The following RNF4 variants were observed in gnomAD, a reference collection of about 807,000 sequenced individuals.
The protein encoded by RNF4 is E3 ubiquitin-protein ligase RNF4.
Under a neutral mutation model 24.3 loss-of-function variants are expected in RNF4, and 7 were observed. That is an observed-to-expected ratio of 0.29 (90% CI 0.16 to 0.54). RNF4 has a LOEUF of 0.54. Among genes scored for constraint, RNF4 ranks in the 20% least tolerant of loss-of-function variants. The pLI is 0.95. For missense variants in RNF4, 209 were observed against 248.5 expected (o/e 0.84, Z 1.07); for synonymous variants, 83 against 84.3 (o/e 0.98, Z 0.09).
chr4:2,476,784 C>T (rs1399975738), intron 1 of RNF4, among the ~76,000 whole-genome samples: 1 of 149,902 alleles, frequency 6.7e-6, no homozygotes, highest in Non-Finnish European at 1.5e-5. Context: ...TTTGCAGGTG[C>T]AATTATATAG....
intron 4 of RNF4, 35 bp from the exon 5 acceptor site, chr4:2,511,921 T>G (rs769074192): frequency 5.0e-6 from 8 of 1,588,860 alleles, no homozygotes; most frequent in Non-Finnish European, 6.9e-6. Context: ...ACTGATTGCT[T>G]CTTTCTCTTT....
At chr4:2,492,967 G>A (rs1735625057) in intron 2 of RNF4, among the ~76,000 whole-genome samples, 1 of 152,234 alleles carries the variant, frequency 6.6e-6, no homozygotes, top group South Asian at 2.1e-4. Context: ...AGCTTATGTG[G>A]TTGTGATAGG....
intron 1 of RNF4, among the ~76,000 whole-genome samples, chr4:2,472,989 A>G (rs1099778): frequency 0.85 from 128,801 of 151,734 alleles, 54,737 homozygotes; most frequent in South Asian, 0.89. Context: ...GCAGTGAGCC[A>G]AGATAGCACC....
At chr4:2,499,732 C>T (rs1560409826) in intron 3 of RNF4, among the ~76,000 whole-genome samples, 2 of 152,172 alleles carry the variant, frequency 1.3e-5, no homozygotes, top group East Asian at 1.9e-4. Flanking sequence ...ACAGTATACC[C>T]TAAGGGCTGA....
In RNF4 at chr4:2,512,481, C is replaced by G. The variant is rs376560868; in HGVS notation, c.258C>G (p.Asp86Glu). The part of the protein sequence containing the change: ...PRRNARRLPQ[D>E]HADSCVVSSD... The stretch of plus-strand genomic sequence containing the variant: ...GGAATGCTAGGAGGCTGCCCCAGGA[C>G]CATGCTGACAGCTGTGTGGTGAGCA... Residue 86 changes from aspartate (D) to glutamate (E), a missense_variant, in exon 6 of 8, where the codon GAC (aspartate) becomes GAG (glutamate). Physicochemically the swap from Asp to Glu is conservative, Grantham distance 45 (BLOSUM62 2). Around this residue, in one of 3 missense-constraint regions of RNF4, gnomAD observed 182 missense variants for 197.2 expected, o/e 0.92. Coordinates refer to ENST00000314289, the MANE Select transcript of RNF4 (RefSeq NM_002938.5). This position sits in a 1 kb window ranked among gnomAD's most constrained non-coding sequence, Gnocchi z 4.1. The G allele has an allele frequency of 6.2e-7, 1 of 1,613,624 alleles. No individual in the cohort carries two copies. Among genetic ancestry groups the G allele is most frequent in the Non-Finnish European group, 8.5e-7 (1 of 1,179,738 alleles).
chr4:2,496,748 C>T (rs1453188467), intron 2 of RNF4, among the ~76,000 whole-genome samples: 1 of 152,130 alleles, frequency 6.6e-6, no homozygotes, highest in Non-Finnish European at 1.5e-5. Context: ...TGTGAGCCAC[C>T]ATGCCCAGCC....
At chr4:2,511,158 G>C (rs560679112) in intron 4 of RNF4, among the ~76,000 whole-genome samples, 1 of 152,254 alleles carries the variant, frequency 6.6e-6, no homozygotes, top group Non-Finnish European at 1.5e-5. Context: ...AGCACAGTCA[G>C]ATGTGGGCTC....
intron 6 of RNF4, 68 bp from the exon 7 acceptor site, chr4:2,513,015 T>C (rs1736311483): frequency 6.9e-7 from 1 of 1,458,332 alleles, no homozygotes; most frequent in Non-Finnish European, 9.6e-7. Context: ...TAGGGGCCAC[T>C]CACGTGACAG....
chr4:2,478,756 C>G (rs1735159685), intron 1 of RNF4, among the ~76,000 whole-genome samples: 2 of 152,338 alleles, frequency 1.3e-5, no homozygotes, highest in South Asian at 4.1e-4. Flanking sequence ...AGGGGCGGGA[C>G]ACTCATGGAG....
At chr4:2,495,639 T>TG (rs148112615) in intron 2 of RNF4, among the ~76,000 whole-genome samples, 31,971 of 132,090 alleles carry the variant, frequency 0.24, 4,134 homozygotes, top group Middle Eastern at 0.3. Context: ...CTTTTTTTTT[T>TG]GGGGGGGGGT....
chr4:2,506,049 G>A (rs1005309030), intron 4 of RNF4: 9 of 152,146 alleles, frequency 5.9e-5, no homozygotes, highest in African/African-American at 2.2e-4. Context: ...TGAACAGTCA[G>A]CTTGAGTTTT....
rs963912023 is a variant in RNF4 at position 2,489,235 on chromosome 4, C to T, written c.-157-1102C>T. On this transcript the variant is annotated intron_variant, in intron 1 of 7. Coordinates refer to ENST00000314289, the MANE Select transcript of RNF4 (RefSeq NM_002938.5). ...GATAAGGAGCCAGGGAAAGTTGCTGCGGCAAATGTTTCGGAAAGATGGCCT... is the reference window on the plus strand; with the variant it reads ...GATAAGGAGCCAGGGAAAGTTGCTGTGGCAAATGTTTCGGAAAGATGGCCT... Among the ~76,000 whole-genome samples, 4 of 152,146 alleles carry T rather than the reference C, an allele frequency of 2.6e-5. No homozygotes were observed. The South Asian group carries it at 6.2e-4, about 24-fold the overall frequency.
intron 4 of RNF4, among the ~76,000 whole-genome samples, chr4:2,510,827 G>C (rs1254166951): frequency 6.6e-6 from 1 of 152,194 alleles, no homozygotes; most frequent in Non-Finnish European, 1.5e-5. Context: ...CAGAAGGTGG[G>C]AGGAACCACG....
Position 2,488,971 on chromosome 4 carries a change from A to T in RNF4, c.-157-1366A>T, listed in dbSNP as rs3108493. On this transcript the variant is annotated intron_variant, in intron 1 of 7. Coordinates refer to ENST00000314289, the MANE Select transcript of RNF4 (RefSeq NM_002938.5). The stretch of plus-strand genomic sequence containing the variant: ...AATTACAGGCATCCACCACCACTCC[A>T]GGCTAATTTTTTGTATTTTCTAGTA... Among the ~76,000 whole-genome samples the T allele has an allele frequency of 9.5e-4, 145 of 151,956 alleles. 2 individuals are homozygous for T. The highest frequency in any genetic ancestry group is 1.9e-4 in the Non-Finnish European group (13 of 67,998).
In RNF4 at chr4:2,515,071, C is replaced by T. The variant is rs752429472; in HGVS notation, c.*1252C>T. ...AGCACAGGGCCTGGGGGGTGGCTAA[C>T]GAGAGAGGCCTTACAGTGCCGGCAT... is the stretch of plus-strand genomic sequence containing the variant. On this transcript the variant is annotated 3_prime_UTR_variant, in exon 8 of 8. Coordinates refer to ENST00000314289, the MANE Select transcript of RNF4 (RefSeq NM_002938.5). 5 of 152,532 alleles carry T rather than the reference C, an allele frequency of 3.3e-5. No homozygotes were observed. The highest frequency in any genetic ancestry group is 1.9e-4 in the East Asian group (1 of 5,188). The allele number at this position is 152,532 out of a possible 1,614,324, so 9.4% of individuals were successfully genotyped here.
chr4:2,495,740 C>G (rs1004371734), intron 2 of RNF4, among the ~76,000 whole-genome samples: 1 of 151,964 alleles, frequency 6.6e-6, no homozygotes, highest in Non-Finnish European at 1.5e-5. Context: ...TCAAGTGATT[C>G]TCCTGCCTCA....
chr4:2,504,271 T>G (rs1471756274), intron 4 of RNF4, among the ~76,000 whole-genome samples: 1 of 152,100 alleles, frequency 6.6e-6, no homozygotes. Context: ...TGTCCCGAGG[T>G]GTGAGTGTCT....
chr4:2,484,249 C>T (rs758578435), intron 1 of RNF4, among the ~76,000 whole-genome samples: 10 of 151,852 alleles, frequency 6.6e-5, no homozygotes, highest in African/African-American at 9.7e-5. Context: ...AGAGCATCTC[C>T]CTGTGGACTG....
chr4:2,489,572 T>C (rs1735519366), intron 1 of RNF4, among the ~76,000 whole-genome samples: 1 of 152,160 alleles, frequency 6.6e-6, no homozygotes. Flanking sequence ...TGATACAGGC[T>C]CATGCTTGAG....
Sources: allele counts gnomAD v4.1 joint callset (sites outside exome capture counted in the v4.1 genomes callset), GRCh38; gene constraint gnomAD v4.1.1; regional missense constraint gnomAD v4.1.1; non-coding constraint Gnocchi (gnomAD v3.1); transcripts MANE v1.5; gene names NCBI Gene and HGNC (gene_info 2026-07-23, HGNC 2026-07-21).